Variants in BMP2K observed in about 807,000 individuals in gnomAD.
BMP2K encodes BMP-2-inducible protein kinase.
BMP2K carries 74 observed loss-of-function variants against 116.0 expected under a neutral mutation model. The observed-to-expected ratio is 0.64, with a 90% confidence interval of 0.53 to 0.77. The LOEUF (loss-of-function observed/expected upper bound fraction) is 0.77, where lower values mean the gene tolerates loss of function less well. Ranked by LOEUF, BMP2K falls within the 30% of genes least tolerant of loss-of-function variation. The pLI is 0.00. For synonymous variants in BMP2K, 486 were observed against 502.5 expected, an observed-to-expected ratio of 0.97 and a Z score of 0.44; for missense variants, 1,365 against 1,403.6, an observed-to-expected ratio of 0.97 and a Z score of 0.44.
intron 1 of BMP2K, among the ~76,000 whole-genome samples, chr4:78,793,547 G>C (rs912404972): frequency 5.9e-5 from 9 of 151,934 alleles, no homozygotes; most frequent in Non-Finnish European, 1.2e-4. Context: ...AGAAGCACTC[G>C]GTGGTTGTTG....
In BMP2K at chr4:78,851,090, A is replaced by G; in HGVS notation, c.883+34A>G. Reference sequence around the variant, plus strand: ...TTGGGAAAATGTATGAAAATATTGTAGGATACTGTACTTAGGGCCTACTAT... The same window carrying G: ...TTGGGAAAATGTATGAAAATATTGTGGGATACTGTACTTAGGGCCTACTAT... On this transcript the variant is annotated intron_variant, in intron 7 of 15. Transcript: ENST00000502613. 1.9e-6 allele frequency: 3 copies of G among 1,578,844 alleles called. No homozygotes were observed. In the South Asian group the frequency reaches 3.4e-5, roughly 18 times the overall value.
At chr4:78,810,759 A>C (rs942505208) in intron 1 of BMP2K, among the ~76,000 whole-genome samples, 2 of 152,160 alleles carry the variant, frequency 1.3e-5, no homozygotes, top group African/African-American at 4.8e-5. Context: ...GATGGGAATA[A>C]AGCAAGTTAA....
intron 10 of BMP2K, among the ~76,000 whole-genome samples, chr4:78,867,471 G>GTGTTTCTC (rs1483911444): frequency 6.6e-6 from 1 of 152,108 alleles, no homozygotes; most frequent in Non-Finnish European, 1.5e-5. Flanking sequence ...GTCAGGGGCC[G>GTGTTTCTC]TGTTTCTCTT....
chr4:78,896,269 A>C (rs1349467892), intron 15 of BMP2K, among the ~76,000 whole-genome samples: 1 of 152,196 alleles, frequency 6.6e-6, no homozygotes, highest in Admixed American at 6.5e-5. Context: ...TTTTTTATAC[A>C]AATGCCTATA....
In BMP2K at chr4:78,865,521, C is replaced by G. The variant is rs1732001324; in HGVS notation, c.1068-36C>G. The G allele has an allele frequency of 7.6e-6, 12 of 1,581,752 alleles. No homozygotes were observed. In the East Asian group the frequency reaches 2.7e-4, roughly 36 times the overall value. On this transcript the variant is annotated intron_variant, in intron 9 of 15. Transcript: ENST00000502613. Reference sequence around the variant, plus strand: ...AATAAATAGTAAATTAGAAATAATCCCAGTATTTAGAATGAAATATATTCT... The same window carrying G: ...AATAAATAGTAAATTAGAAATAATCGCAGTATTTAGAATGAAATATATTCT...
intron 3 of BMP2K, 40 bp downstream of exon 3, chr4:78,833,727 CT>C: frequency 7.2e-7 from 1 of 1,382,870 alleles, no homozygotes. Context: ...TAAAAAGTTT[CT>C]CCTTAAATGG....
chr4:78,790,173 G>A lies in BMP2K; in HGVS notation c.178+13452G>A, dbSNP rs566215615. 7.9e-5 allele frequency among the ~76,000 whole-genome samples: 12 copies of A among 152,092 alleles called. No homozygotes were observed. The South Asian group carries it at 2.5e-3, about 32-fold the overall frequency. ...TGACATTACTTTTATGATACATTTG[G>A]CATATTTTTATACACAGGCAAGTAA... On this transcript the variant is annotated intron_variant, in intron 1 of 15. Transcript: ENST00000502613.
Position 78,878,997 on chromosome 4 carries a change from G to A in BMP2K, c.1951+106G>A. 4 of 1,506,426 alleles carry A rather than the reference G, an allele frequency of 2.7e-6. No individual in the cohort carries two copies. The South Asian group carries it at 5.6e-5, about 21-fold the overall frequency. 93.3% of individuals were successfully genotyped at this position (1,506,426 alleles called of 1,614,324 possible). On this transcript the variant is annotated intron_variant, in intron 14 of 15. Transcript: ENST00000502613. ...AGAATGTGTATGGAAAATTCTTTTT[G>A]TGCATTTGAGGGCAAAATTCAGGCC...
rs572725105 is a variant in BMP2K at position 78,872,198 on chromosome 4, T to C, written c.1608+250T>C. 63 of 364,288 alleles carry C rather than the reference T, an allele frequency of 1.7e-4. 1 individual carries two copies. Among genetic ancestry groups the C allele is most frequent in the Admixed American group, 9.6e-4 (21 of 21,972 alleles). The allele number at this position is 364,288 out of a possible 1,614,324, so 22.6% of individuals were successfully genotyped here. On this transcript the variant is annotated intron_variant, in intron 12 of 15. Transcript: ENST00000502613. ...TCATTATATAAGGGAAATGATGTCT[T>C]ACCTATAGTCTTTCGTCACATGTCT...
intron 2 of BMP2K, among the ~76,000 whole-genome samples, chr4:78,831,495 G>A (rs1730201064): frequency 6.6e-6 from 1 of 152,038 alleles, no homozygotes; most frequent in African/African-American, 2.4e-5. Context: ...ATAAAATGAG[G>A]TACACCTTTG....
At position 78,804,571 on chromosome 4, in the gene BMP2K, A is replaced by G. The variant is rs188435123; in HGVS notation, c.179-21466A>G. 2.6e-3 allele frequency among the ~76,000 whole-genome samples: 395 copies of G among 152,172 alleles called. 1 individual carries two copies. Among genetic ancestry groups the G allele is most frequent in the Non-Finnish European group, 4.4e-3 (302 of 67,980 alleles). ...CACCAGCAATTTATGAGGTTTTCCA[A>G]TTTCTTCATATCCTTGCCAACATGT... On this transcript the variant is annotated intron_variant, in intron 1 of 15. Transcript: ENST00000502613.
intron 2 of BMP2K, 78 bp downstream of exon 2, chr4:78,826,233 A>G: frequency 1.8e-6 from 2 of 1,109,264 alleles, no homozygotes; most frequent in Non-Finnish European, 2.7e-6. Flanking sequence ...AGTGCAGTGG[A>G]GTGGCACGCC....
Position 78,871,065 on chromosome 4 carries a change from T to G in BMP2K, c.1509+5T>G. On this transcript the variant is annotated splice_donor_5th_base_variant and intron_variant, in intron 11 of 15. Transcript: ENST00000502613. Reference sequence around the variant, plus strand: ...CAAGATGCTTATATGCAGCAGGTAATTTTTTTGTTTCTTTAGATATGGAAG... The same window carrying G: ...CAAGATGCTTATATGCAGCAGGTAAGTTTTTTGTTTCTTTAGATATGGAAG... 1 of 1,601,318 alleles carries G rather than the reference T, an allele frequency of 6.2e-7. No homozygotes were observed. The highest frequency in any genetic ancestry group is 8.5e-7 in the Non-Finnish European group (1 of 1,178,918).
At chr4:78,801,202 A>AT (rs967956607) in intron 1 of BMP2K, among the ~76,000 whole-genome samples, 4 of 152,056 alleles carry the variant, frequency 2.6e-5, no homozygotes, top group African/African-American at 9.7e-5. Context: ...CTATTTTTAG[A>AT]TTTTTACAAA....
chr4:78,901,170 A>G (rs1733982260), intron 15 of BMP2K, among the ~76,000 whole-genome samples: 1 of 152,042 alleles, frequency 6.6e-6, no homozygotes, highest in African/African-American at 2.4e-5. Context: ...CAGCCTCCCA[A>G]GTAGCTGGGA....
chr4:78,901,118 A>C (rs1005153106), intron 15 of BMP2K, among the ~76,000 whole-genome samples: 1 of 152,116 alleles, frequency 6.6e-6, no homozygotes, highest in African/African-American at 2.4e-5. Context: ...TCATAGGCTT[A>C]CTACAGCCCG....
chr4:78,816,669 AAATT>A (rs1276023624), intron 1 of BMP2K, among the ~76,000 whole-genome samples: 3 of 152,220 alleles, frequency 2.0e-5, no homozygotes, highest in African/African-American at 7.2e-5. Context: ...ATGCTGGACT[AAATT>A]AATTTCTTGT....
At chr4:78,864,912 T>C (rs1731969509) in intron 9 of BMP2K, among the ~76,000 whole-genome samples, 1 of 152,194 alleles carries the variant, frequency 6.6e-6, no homozygotes, top group Non-Finnish European at 1.5e-5. Context: ...TCTCAAATTA[T>C]ATTTATTGTT....
intron 1 of BMP2K, among the ~76,000 whole-genome samples, chr4:78,817,743 G>A (rs890297686): frequency 1.4e-4 from 21 of 152,002 alleles, no homozygotes; most frequent in Non-Finnish European, 1.9e-4. Context: ...GGGAAGGGAG[G>A]GGCTGAAAGT....
Sources: gnomAD v4.1 joint callset for allele counts (sites outside exome capture counted in the v4.1 genomes callset) on GRCh38, gnomAD v4.1.1 for gene constraint, MANE v1.5 for transcripts, NCBI Gene and HGNC (gene_info 2026-07-23, HGNC 2026-07-21) for gene names.